The following MYL3 variants were observed in gnomAD, a reference collection of about 807,000 sequenced individuals.
MYL3 encodes the protein myosin light chain 3.
A neutral mutation model predicts 21.3 loss-of-function variants in MYL3; 11 were observed. That is an observed-to-expected ratio of 0.52 (90% CI 0.32 to 0.85). The LOEUF (loss-of-function observed/expected upper bound fraction) is 0.85. Ranked by LOEUF, MYL3 falls within the 40% of genes least tolerant of loss-of-function variation. The pLI is 0.03. For missense variants in MYL3, 206 were observed against 253.3 expected, an observed-to-expected ratio of 0.81 and a Z score of 1.27; for synonymous variants, 88 against 91.6, an observed-to-expected ratio of 0.96 and a Z score of 0.22.
intron 1 of MYL3, among the ~76,000 whole-genome samples, chr3:46,870,830 G>A (rs1450677211): frequency 6.6e-6 from 1 of 152,124 alleles, no homozygotes; most frequent in Non-Finnish European, 1.5e-5. Context: ...TGGGACAGCA[G>A]GAATCACACT....
In MYL3 at chr3:46,878,741, C is replaced by T. The variant is rs549539675; in HGVS notation, c.-218+3333G>A. Among the ~76,000 whole-genome samples, 51 of 152,214 alleles carry T rather than the reference C, an allele frequency of 3.4e-4. 1 individual carries two copies. The highest frequency in any genetic ancestry group is 6.8e-3 in the Middle Eastern group (2 of 294). ...TGTACCTTGGCCAGAGCCCTACTCACGGTGGGATGGCTGCAGCAGAGGCCT... is the reference window on the plus strand; with the variant it reads ...TGTACCTTGGCCAGAGCCCTACTCATGGTGGGATGGCTGCAGCAGAGGCCT... On this transcript the variant is annotated intron_variant, in intron 1 of 3. Transcript: ENST00000431168.
rs1204495577 is a variant in MYL3 at position 46,860,751 on chromosome 3, C to G, written c.232G>C (p.Asp78His). ...TTCTGGCCCAGCGCCCGCAGGACAT[C>G]CCCACACTGCCCGTAGGTGATCTTC... is the stretch of plus-strand genomic sequence containing the variant. Reference protein sequence around the residue: ...EMKITYGQCGDVLRALGQNPT... With the variant: ...EMKITYGQCGHVLRALGQNPT... The change falls in exon 3 of 7, where the codon GAT (aspartate) becomes CAT (histidine). Residue 78 changes from aspartate to histidine, a missense_variant. By Grantham distance (81) the Asp-to-His change is moderately conservative (BLOSUM62 -1). Transcript: ENST00000292327. The surrounding 1 kb of genome is among the most constrained non-coding windows in gnomAD (Gnocchi z 4.6). 1.9e-6 allele frequency: 3 copies of G among 1,614,026 alleles called. No homozygotes were observed.
At position 46,874,573 on chromosome 3, in the gene MYL3, G is replaced by A. The variant is rs1030689200; in HGVS notation, c.-218+7501C>T. ...GCAGGGCCCAGCCGGCCTCTGGAAC[G>A]CGTGCCCGGGACCTCGGTGATATTT... On this transcript the variant is annotated intron_variant, in intron 1 of 3. Coordinates refer to the MYL3 transcript ENST00000431168. This position sits in a 1 kb window ranked among gnomAD's most constrained non-coding sequence, Gnocchi z 4.1. Among the ~76,000 whole-genome samples, 5 of 152,134 alleles carry A rather than the reference G, an allele frequency of 3.3e-5. No individual in the cohort carries two copies. Among genetic ancestry groups the A allele is most frequent in the Admixed American group, 6.5e-5 (1 of 15,274 alleles).
intron 1 of MYL3, among the ~76,000 whole-genome samples, chr3:46,880,047 CAG>C (rs1553641005): frequency 1.3e-5 from 2 of 152,158 alleles, no homozygotes; most frequent in Non-Finnish European, 2.9e-5. Flanking sequence ...AGAAAAGAAA[CAG>C]AGGCATAATA....
chr3:46,871,204 G>A (rs1272237896), intron 1 of MYL3, among the ~76,000 whole-genome samples: 1 of 152,120 alleles, frequency 6.6e-6, no homozygotes, highest in East Asian at 1.9e-4. Context: ...AGGGCTGAAG[G>A]CAGCAGAAAT....
At chr3:46,858,509 A>T in intron 4 of MYL3, 48 bp from the exon 5 acceptor site, 3 of 1,588,672 alleles carry the variant, frequency 1.9e-6, no homozygotes, top group Non-Finnish European at 2.6e-6. Context: ...CAGAGGCATG[A>T]TGGGGTGGGG....
chr3:46,873,853 G>C (rs1377161120), intron 1 of MYL3, among the ~76,000 whole-genome samples: 1 of 152,220 alleles, frequency 6.6e-6, no homozygotes. Flanking sequence ...GGGCAGGCAG[G>C]AGCTGGGTGT....
rs2106908017 is a variant in MYL3, at chr3:46,859,703, T to TC, written c.308-56dup. 6.4e-7 allele frequency: 1 copy of TC among 1,551,168 alleles called. No individual in the cohort carries two copies. The highest frequency in any genetic ancestry group is 2.2e-5 in the East Asian group (1 of 44,568). ...TCTAAGGCTGGGGTGGGCACACCCC[T>TC]CCCCCATGCCTGATAATGAGGAGCT... On this transcript the variant is annotated intron_variant, in intron 3 of 6. Transcript: ENST00000292327. The surrounding 1 kb of genome is among the most constrained non-coding windows in gnomAD (Gnocchi z 4.1).
chr3:46,865,548 G>A (rs1411441535), upstream of MYL3, among the ~76,000 whole-genome samples: 1 of 152,188 alleles, frequency 6.6e-6, no homozygotes, highest in Non-Finnish European at 1.5e-5. This position sits in a 1 kb window ranked among gnomAD's most constrained non-coding sequence, Gnocchi z 4.3. Context: ...GAAGCAGAGG[G>A]CCAGAGCAGA....
chr3:46,876,652 G>T (rs2030236044), intron 1 of MYL3, among the ~76,000 whole-genome samples: 1 of 152,200 alleles, frequency 6.6e-6, no homozygotes, highest in Middle Eastern at 3.2e-3. Flanking sequence ...CTCCCCAGGA[G>T]CCTGGAAGAC....
rs373278317 is a variant in MYL3 at position 46,863,320 on chromosome 3, G to A, written c.71C>T (p.Ala24Val). 5 of 1,613,932 alleles carry A rather than the reference G, an allele frequency of 3.1e-6. No homozygotes were observed. In the Admixed American group the frequency reaches 5.0e-5, roughly 16 times the overall value. ...AGGGCGCTCAGGCTCAGGGGGAGGTGCGGGAGCTGGAGCTGCCTTGGGGGC... is the reference window on the plus strand; with the variant it reads ...AGGGCGCTCAGGCTCAGGGGGAGGTACGGGAGCTGGAGCTGCCTTGGGGGC... ...KAAPKAAPAP[A>V]PPPEPERPKE... Residue 24 changes from alanine (A) to valine (V), a missense_variant, in exon 1 of 7, where the codon GCA (alanine) becomes GTA (valine). By Grantham distance (64) the Ala-to-Val change is moderately conservative. Coordinates refer to ENST00000292327, the MANE Select transcript of MYL3 (RefSeq NM_000258.3).
upstream of MYL3, chr3:46,882,173 G>C (rs929210476): frequency 1.3e-5 from 2 of 151,508 alleles, no homozygotes; most frequent in Non-Finnish European, 3.0e-5. The surrounding 1 kb of genome is among the most constrained non-coding windows in gnomAD (Gnocchi z 4.3). Flanking sequence ...CCGCGTCGGC[G>C]GCTGCGGAGG....
chr3:46,858,084 C>A lies in MYL3; in HGVS notation c.*31G>T. ...ACATGGGAGATGAGACGTCCCTGCA[C>A]AGCCTTCCCTGGGCTTCCTGAGAGC... On this transcript the variant is annotated 3_prime_UTR_variant, in exon 7 of 7. Transcript: ENST00000292327. The A allele has an allele frequency of 1.1e-6, 1 of 943,372 alleles. No individual in the cohort carries two copies. The allele number at this position is 943,372 out of a possible 1,614,324, so 58.4% of individuals were successfully genotyped here.
intron 4 of MYL3, among the ~76,000 whole-genome samples, 194 bp from the exon 5 acceptor site, chr3:46,858,655 T>C (rs558362670): frequency 6.6e-6 from 1 of 152,212 alleles, no homozygotes; most frequent in Non-Finnish European, 1.5e-5. Flanking sequence ...GGGCCTGGGG[T>C]GCAGTACGTG....
Position 46,863,267 on chromosome 3 carries a change from T to A in MYL3, c.124A>T (p.Ile42Phe), listed in dbSNP as rs1322033572. The change falls in exon 1 of 7, where the codon ATC becomes TTC. Residue 42 changes from isoleucine (I) to phenylalanine (F), a missense_variant. Transcript: ENST00000292327. ...PKEVEFDASKIKIEFTPEQIE... is the reference protein window; with the variant it reads ...PKEVEFDASKFKIEFTPEQIE... The stretch of plus-strand genomic sequence containing the variant: ...CACCCAGCTTCCATACCCACCTTGA[T>A]CTTGGAAGCATCAAACTCGACCTCC... 6.2e-7 allele frequency: 1 copy of A among 1,614,124 alleles called. No homozygotes were observed. Among genetic ancestry groups the A allele is most frequent in the Non-Finnish European group, 8.5e-7 (1 of 1,180,006 alleles).
chr3:46,866,641 A>G (rs1702050231), upstream of MYL3: 1 of 152,232 alleles, frequency 6.6e-6, no homozygotes, highest in African/African-American at 2.4e-5. Context: ...GGATGAACAA[A>G]TGTTCCAAAT....
At chr3:46,880,441 T>C (rs2030481295) in intron 1 of MYL3, among the ~76,000 whole-genome samples, 1 of 152,060 alleles carries the variant, frequency 6.6e-6, no homozygotes, top group Non-Finnish European at 1.5e-5. Flanking sequence ...GAGGCAGCCA[T>C]AGAAATGCAT....
At chr3:46,858,310 A>G in intron 5 of MYL3, 38 bp from the exon 6 acceptor site, 1 of 1,614,124 alleles carries the variant, frequency 6.2e-7, no homozygotes, top group East Asian at 2.2e-5. Context: ...GGAGTGCAAC[A>G]TGGGGAAGCC....
intron 1 of MYL3, among the ~76,000 whole-genome samples, chr3:46,875,837 A>G (rs1240231485): frequency 1.3e-5 from 2 of 152,206 alleles, no homozygotes; most frequent in African/African-American, 4.8e-5. Context: ...TGGGTCTCCC[A>G]ATGAATGGGA....
Sources: gnomAD v4.1 joint callset for allele counts (sites outside exome capture counted in the v4.1 genomes callset) on GRCh38, gnomAD v4.1.1 for gene constraint, Gnocchi (gnomAD v3.1) non-coding constraint, MANE v1.5 for transcripts, NCBI Gene and HGNC (gene_info 2026-07-23, HGNC 2026-07-21) for gene names.